The following RINT1 variants were observed in gnomAD, a reference collection of about 807,000 sequenced individuals.
RINT1 encodes RAD50-interacting protein 1.
Under a neutral mutation model 97.7 loss-of-function variants are expected in RINT1, and 75 were observed. The observed-to-expected ratio is 0.77, with a 90% CI of 0.64 to 0.93. RINT1 has a LOEUF of 0.93. Among genes scored for constraint, RINT1 ranks in the 40% least tolerant of loss-of-function variants. RINT1 has a pLI of 0.00. For missense variants in RINT1, 892 were observed against 925.2 expected, an observed-to-expected ratio of 0.96 and a Z score of 0.47; for synonymous variants, 303 against 326.3, an observed-to-expected ratio of 0.93 and a Z score of 0.77.
At chr7:105,532,422 CG>C (rs2133347604) in intron 1 of RINT1, 65 bp downstream of exon 1, 2 of 1,521,514 alleles carry the variant, frequency 1.3e-6, no homozygotes, top group Non-Finnish European at 8.9e-7. Flanking sequence ...ACAGACCTCC[CG>C]GGGGAGATAG....
chr7:105,556,867 C>T (rs1178740713), intron 11 of RINT1, among the ~76,000 whole-genome samples: 1 of 152,186 alleles, frequency 6.6e-6, no homozygotes, highest in Non-Finnish European at 1.5e-5. Context: ...TCTAATTAGC[C>T]TTTATAACCT....
At chr7:105,540,256 T>G (rs1304479480) in intron 3 of RINT1, among the ~76,000 whole-genome samples, 1 of 151,516 alleles carries the variant, frequency 6.6e-6, no homozygotes, top group South Asian at 2.1e-4. Context: ...ATTTTTGTAT[T>G]TGTATTTATT....
chr7:105,543,442 G>T (rs2133376416), intron 4 of RINT1, among the ~76,000 whole-genome samples: 1 of 152,178 alleles, frequency 6.6e-6, no homozygotes, highest in African/African-American at 2.4e-5. Context: ...AGGAAGTAAG[G>T]CTTGACCTTA....
intron 14 of RINT1, chr7:105,566,913 T>C (rs1231916308): frequency 5.6e-6 from 2 of 356,444 alleles, no homozygotes; most frequent in Admixed American, 9.1e-5. Context: ...AGGGATCGTA[T>C]TACCTTATAG....
intron 3 of RINT1, among the ~76,000 whole-genome samples, chr7:105,536,978 A>G (rs1357414100): frequency 6.6e-6 from 1 of 152,120 alleles, no homozygotes; most frequent in African/African-American, 2.4e-5. Flanking sequence ...GTGAGACCTA[A>G]CATTTTACAT....
Position 105,547,082 on chromosome 7 carries a change from AG to A in RINT1, c.689+1del. ...TAAAATTCTCAAGGACAAGCTTACA[AG>A]GTAGGGAATTTACCCATATTTTGTG... ...WHKILKDKLT[S>X]DFEEILAQLH... On this transcript the variant is annotated frameshift_variant and splice_region_variant, in exon 5 of 15. Coordinates refer to ENST00000257700, the MANE Select transcript of RINT1 (RefSeq NM_021930.6). LOFTEE classifies it high-confidence loss of function. 1.9e-6 allele frequency: 3 copies of A among 1,613,710 alleles called. No homozygotes were observed. Among genetic ancestry groups the A allele is most frequent in the Non-Finnish European group, 2.5e-6 (3 of 1,179,788 alleles).
At chr7:105,548,342 T>A (rs543952586) in intron 6 of RINT1, among the ~76,000 whole-genome samples, 1 of 152,288 alleles carries the variant, frequency 6.6e-6, no homozygotes, top group South Asian at 2.1e-4. Flanking sequence ...TGCCTGGCTT[T>A]TTGTGCATTT....
At chr7:105,545,123 G>A (rs1300349355) in intron 4 of RINT1, among the ~76,000 whole-genome samples, 1 of 151,944 alleles carries the variant, frequency 6.6e-6, no homozygotes, top group Non-Finnish European at 1.5e-5. Context: ...TCATACTTTA[G>A]TGTTGTGAGG....
In RINT1 at chr7:105,548,723, A is replaced by C. The variant is rs1790792863; in HGVS notation, c.996+13A>C. 1 of 1,592,946 alleles carries C rather than the reference A, an allele frequency of 6.3e-7. No homozygotes were observed. On this transcript the variant is annotated intron_variant, in intron 7 of 14. Coordinates refer to ENST00000257700, the MANE Select transcript of RINT1 (RefSeq NM_021930.6). Reference sequence around the variant, plus strand: ...TGTGTTAAGCAAGGTGTGTTTTGCCAGCTCTTGTCCTTGGTTTTTATTGGT... The same window carrying C: ...TGTGTTAAGCAAGGTGTGTTTTGCCCGCTCTTGTCCTTGGTTTTTATTGGT...
intron 11 of RINT1, among the ~76,000 whole-genome samples, chr7:105,558,313 A>G (rs1399229475): frequency 6.6e-6 from 1 of 151,632 alleles, no homozygotes; most frequent in African/African-American, 2.4e-5. Context: ...AAAAAAATAA[A>G]GTCAGCTAAT....
chr7:105,536,596 T>TA lies in RINT1; in HGVS notation c.123dup (p.Gln42ThrfsTer4). The TA allele has an allele frequency of 6.2e-7, 1 of 1,602,738 alleles. No individual in the cohort carries two copies. The highest frequency in any genetic ancestry group is 8.5e-7 in the Non-Finnish European group (1 of 1,175,556). On this transcript the variant is annotated frameshift_variant, in exon 3 of 15. Transcript: ENST00000257700. LOFTEE classifies it high-confidence loss of function. ...TAAATGTTACAGTTCTTATTGGAAG[T>TA]AAACAAGTCAGTGAAGGTACAGATA...
At chr7:105,535,833 C>T (rs535913738) in intron 2 of RINT1, 11 of 218,320 alleles carry the variant, frequency 5.0e-5, no homozygotes, top group African/African-American at 1.2e-4. Context: ...CCCCTGCGCC[C>T]GGTCTTTTTA....
In RINT1 at chr7:105,563,879, G is replaced by A. The variant is rs753304903; in HGVS notation, c.1818G>A (p.Met606Ile). 1.5e-5 allele frequency: 25 copies of A among 1,614,008 alleles called. No individual in the cohort carries two copies. The highest frequency in any genetic ancestry group is 2.0e-5 in the Non-Finnish European group (24 of 1,180,026). The change falls in exon 12 of 15, where the codon ATG (methionine) becomes ATA (isoleucine). Residue 606 changes from methionine to isoleucine, a missense_variant. By Grantham distance (10) the Met-to-Ile change is conservative. Transcript: ENST00000257700. Reference protein sequence around the residue: ...INLLERLKHDMLTRQVDHVFR... With the variant: ...INLLERLKHDILTRQVDHVFR... ...TCTTAGAACGTTTAAAGCATGATAT[G>A]TTGACCCGTCAAGTAGACCACGTTT...
Position 105,542,955 on chromosome 7 carries a change from G to T in RINT1, c.515+306G>T, listed in dbSNP as rs1220829330. On this transcript the variant is annotated intron_variant, in intron 4 of 14. Coordinates refer to ENST00000257700, the MANE Select transcript of RINT1 (RefSeq NM_021930.6). ...GCTGGAGTGCAGTGGTGCCATCTCG[G>T]CTCACTGCAAGCTACACCTCCCGGG... 2.6e-5 allele frequency among the ~76,000 whole-genome samples: 4 copies of T among 151,612 alleles called. No homozygotes were observed. In the East Asian group the frequency reaches 7.7e-4, roughly 29 times the overall value.
At chr7:105,555,517 C>G (rs1409794981) in intron 11 of RINT1, among the ~76,000 whole-genome samples, 1 of 152,056 alleles carries the variant, frequency 6.6e-6, no homozygotes, top group African/African-American at 2.4e-5. Context: ...ATGGTAATTG[C>G]AATCACAGGA....
At chr7:105,551,780 A>G in intron 10 of RINT1, 73 bp downstream of exon 10, 1 of 1,329,398 alleles carries the variant, frequency 7.5e-7, no homozygotes, top group South Asian at 1.5e-5. Context: ...AAAGTAGCTC[A>G]GTAGGCTGGG....
At chr7:105,553,453 G>T (rs1280446441) in intron 10 of RINT1, among the ~76,000 whole-genome samples, 3 of 151,220 alleles carry the variant, frequency 2.0e-5, no homozygotes, top group Non-Finnish European at 3.0e-5. Flanking sequence ...AGGCACGGTG[G>T]CTCACACCTG....
chr7:105,558,543 T>C (rs950329284), intron 11 of RINT1, among the ~76,000 whole-genome samples: 4 of 152,154 alleles, frequency 2.6e-5, no homozygotes, highest in Non-Finnish European at 4.4e-5. Context: ...TTAAGAAAGA[T>C]GGCTGGGCAC....
intron 11 of RINT1, among the ~76,000 whole-genome samples, chr7:105,562,321 G>C (rs1447551093): frequency 6.6e-6 from 1 of 152,122 alleles, no homozygotes; most frequent in Non-Finnish European, 1.5e-5. Context: ...CACAATCTTG[G>C]CTCACTGCAA....
Sources: allele counts gnomAD v4.1 joint callset (sites outside exome capture counted in the v4.1 genomes callset), GRCh38; gene constraint gnomAD v4.1.1; transcripts MANE v1.5; gene names NCBI Gene and HGNC (gene_info 2026-07-23, HGNC 2026-07-21).